The following CCNH variants were observed in gnomAD, a reference collection of about 807,000 sequenced individuals.
CCNH encodes the protein cyclin-H.
A neutral mutation model predicts 41.9 loss-of-function variants in CCNH; 31 were observed. That is an observed-to-expected ratio of 0.74 (90% CI 0.56 to 1.00). The LOEUF is 1.00. Ranked by LOEUF, CCNH falls within the 50% of genes least tolerant of loss-of-function variation. The pLI, the probability that CCNH is intolerant of heterozygous loss-of-function variation, is 0.00. For synonymous variants in CCNH, 138 were observed against 136.1 expected (o/e 1.01, Z -0.10); for missense variants, 362 against 388.4 (o/e 0.93, Z 0.57).
chr5:87,360,757 G>GA (rs760676825), intron 9 of CCNH, among the ~76,000 whole-genome samples: 1 of 152,132 alleles, frequency 6.6e-6, no homozygotes, highest in Admixed American at 6.6e-5. Context: ...ATCATCATCT[G>GA]AAAAATCACA....
intron 9 of CCNH, among the ~76,000 whole-genome samples, chr5:87,350,394 T>C (rs928650030): frequency 6.6e-6 from 1 of 151,896 alleles, no homozygotes; most frequent in Non-Finnish European, 1.5e-5. Flanking sequence ...AATTCCAGTT[T>C]TCTGGAGATT....
At chr5:87,323,912 CTT>C (rs1757017031) in intron 9 of CCNH, among the ~76,000 whole-genome samples, 1 of 152,178 alleles carries the variant, frequency 6.6e-6, no homozygotes, top group Non-Finnish European at 1.5e-5. Flanking sequence ...TATCCTCCTA[CTT>C]ACTATACCAG....
At chr5:87,348,987 T>G (rs780500141) in intron 9 of CCNH, among the ~76,000 whole-genome samples, 8 of 151,862 alleles carry the variant, frequency 5.3e-5, no homozygotes, top group Non-Finnish European at 1.0e-4. Context: ...TCTATTTTTA[T>G]GTATTAAAGC....
At position 87,357,164 on chromosome 5, in the gene CCNH, AT is replaced by A. The variant is rs994726740; in HGVS notation, c.*90+35605del. 4.0e-3 allele frequency among the ~76,000 whole-genome samples: 607 copies of A among 149,980 alleles called. 6 individuals are homozygous for A. Among genetic ancestry groups the A allele is most frequent in the African/African-American group, 0.013 (522 of 40,994 alleles). On this transcript the variant is annotated intron_variant and NMD_transcript_variant, in intron 9 of 9. Coordinates refer to the CCNH transcript ENST00000645953. ...TCCATCTTGTTTCACTTTTTGAGTAATTTTTTTTTTATTACCGCAGAGTAAT... is the reference window on the plus strand; with the variant it reads ...TCCATCTTGTTTCACTTTTTGAGTAATTTTTTTTTATTACCGCAGAGTAAT...
chr5:87,328,331 T>TA (rs397812192), intron 9 of CCNH, among the ~76,000 whole-genome samples: 5 of 151,938 alleles, frequency 3.3e-5, no homozygotes, highest in Non-Finnish European at 5.9e-5. Context: ...AATTTTTTTT[T>TA]AAACTTATTT....
chr5:87,342,162 C>CTTTTTTTTTT (rs531793273), intron 9 of CCNH, among the ~76,000 whole-genome samples: 1 of 139,788 alleles, frequency 7.2e-6, no homozygotes, highest in Non-Finnish European at 1.6e-5. Flanking sequence ...GTTATTTTTT[C>CTTTTTTTTTT]TTTTTTTTTT....
Position 87,411,077 on chromosome 5 carries a change from C to CTCATGATT in CCNH, c.240+146_240+147insAATCATGA, listed in dbSNP as rs1764198358. On this transcript the variant is annotated intron_variant, in intron 2 of 8. Coordinates refer to ENST00000256897, the MANE Select transcript of CCNH (RefSeq NM_001239.4). ...GATACAGCAACTCATGATTTAAGGC[C>CTCATGATT]TGTATTGAAAAATATATAATGTGCC... 4 of 696,530 alleles carry CTCATGATT rather than the reference C, an allele frequency of 5.7e-6. No individual in the cohort carries two copies. In the African/African-American group the frequency reaches 7.4e-5, roughly 13 times the overall value. 43.1% of individuals were successfully genotyped at this position (696,530 alleles called of 1,614,324 possible).
chr5:87,377,240 T>C (rs1441141788), upstream of CCNH: 2 of 674,214 alleles, frequency 3.0e-6, no homozygotes, highest in African/African-American at 1.8e-5. Flanking sequence ...ATTTCTAATG[T>C]AGGTTTTGGC....
At chr5:87,403,709 G>T (rs900777084) in intron 5 of CCNH, among the ~76,000 whole-genome samples, 2 of 152,168 alleles carry the variant, frequency 1.3e-5, no homozygotes, top group African/African-American at 4.8e-5. Context: ...TTGAGGCTGG[G>T]AGGTTGAGGC....
intron 9 of CCNH, chr5:87,349,161 C>A: frequency 6.3e-7 from 1 of 1,587,662 alleles, no homozygotes; most frequent in Non-Finnish European, 8.6e-7. Context: ...TACTTAACAT[C>A]TTTTCTTTTT....
intron 6 of CCNH, among the ~76,000 whole-genome samples, chr5:87,400,561 A>C (rs1041760162): frequency 6.6e-6 from 1 of 152,132 alleles, no homozygotes; most frequent in Non-Finnish European, 1.5e-5. Flanking sequence ...ATAATTCATA[A>C]ATCACAGCCA....
intron 9 of CCNH, among the ~76,000 whole-genome samples, chr5:87,343,706 A>G (rs1055162285): frequency 4.6e-5 from 7 of 152,206 alleles, no homozygotes; most frequent in Admixed American, 3.9e-4. Flanking sequence ...TGATCCGGCA[A>G]TCCCACTGCT....
At chr5:87,394,268 T>A, downstream of CCNH, 1 of 1,314,796 alleles carries the variant, frequency 7.6e-7, no homozygotes, top group Non-Finnish European at 9.7e-7. Context: ...CAGGTGCTAT[T>A]CTAGCTCTTT....
Position 87,370,227 on chromosome 5 carries a change from G to A in CCNH, c.*90+22543C>T, listed in dbSNP as rs910988372. The stretch of plus-strand genomic sequence containing the variant: ...TCATCTCAGTATAATCCAAAGGTAA[G>A]CCAGTTAACCAGTTAGTTTTGCTAA... On this transcript the variant is annotated intron_variant and NMD_transcript_variant, in intron 9 of 9. Coordinates refer to the CCNH transcript ENST00000645953. Among the ~76,000 whole-genome samples, 3 of 152,082 alleles carry A rather than the reference G, an allele frequency of 2.0e-5. No individual in the cohort carries two copies. The South Asian group carries it at 6.2e-4, about 31-fold the overall frequency.
At chr5:87,349,483 T>C in intron 9 of CCNH, 2 of 1,168,620 alleles carry the variant, frequency 1.7e-6, no homozygotes, top group Non-Finnish European at 2.4e-6. Flanking sequence ...TTATAAGACC[T>C]TCAATATAAT....
chr5:87,332,385 T>C, intron 9 of CCNH: 1 of 1,012,168 alleles, frequency 9.9e-7, no homozygotes, highest in Non-Finnish European at 1.5e-6. Context: ...TATTTTAGTA[T>C]AAGGATATAG....
intron 9 of CCNH, among the ~76,000 whole-genome samples, chr5:87,356,872 T>G (rs997380533): frequency 1.3e-5 from 2 of 152,192 alleles, no homozygotes; most frequent in Non-Finnish European, 2.9e-5. Context: ...TGCCTATATT[T>G]TCCTTCATTC....
At chr5:87,378,625 A>G (rs1761486547), upstream of CCNH, 3 of 1,342,412 alleles carry the variant, frequency 2.2e-6, no homozygotes, top group Admixed American at 2.0e-5. Flanking sequence ...TTTAAGGAAA[A>G]TATATTAAAT....
At chr5:87,328,187 G>A (rs1187317782) in intron 9 of CCNH, among the ~76,000 whole-genome samples, 1 of 152,114 alleles carries the variant, frequency 6.6e-6, no homozygotes, top group Non-Finnish European at 1.5e-5. Flanking sequence ...TGCCACAAAT[G>A]TGAGCAGATT....
Sources: gnomAD v4.1 joint callset for allele counts (sites outside exome capture counted in the v4.1 genomes callset) on GRCh38, gnomAD v4.1.1 for gene constraint, MANE v1.5 for transcripts, NCBI Gene and HGNC (gene_info 2026-07-23, HGNC 2026-07-21) for gene names.